Variants in CEP170B observed in about 807,000 individuals in gnomAD.
CEP170B encodes the protein centrosomal protein of 170 kDa protein B.
In CEP170B, 55 loss-of-function variants were observed where a neutral mutation model predicts 120.6. The ratio of observed to expected loss-of-function variants is 0.46; its 90% CI spans 0.37 to 0.57. The LOEUF (loss-of-function observed/expected upper bound fraction) is 0.57, where lower values mean the gene tolerates loss of function less well. CEP170B is among the 20% of genes least tolerant of loss of function. The probability of loss-of-function intolerance (pLI) is 0.00; values close to 1 mark genes in which losing one functional copy is unlikely to be tolerated. For missense variants in CEP170B, 2,212 were observed against 2,253.3 expected (o/e 0.98, Z 0.37); for synonymous variants, 1,033 against 954.5 (o/e 1.08, Z -1.52).
In CEP170B at chr14:104,884,423, G is replaced by A. The variant is rs982768113; in HGVS notation, c.1644G>A (p.Thr548=). ...CCCCGACCCCACCGCCCGCCCCCAC[G>A]GACCCCCAGCTGACCAAGGCACGGA... The part of the protein sequence containing the change: ...VGPPTPPPAP[T]DPQLTKARKQ... Residue 548 remains threonine (T), a synonymous_variant, in exon 9 of 19, where the codon ACG becomes ACA. Transcript: ENST00000414716. 56 of 1,094,204 alleles carry A rather than the reference G, an allele frequency of 5.1e-5. No individual in the cohort carries two copies. Among genetic ancestry groups the A allele is most frequent in the East Asian group, 1.4e-4 (4 of 29,560 alleles). 67.8% of individuals were successfully genotyped at this position (1,094,204 alleles called of 1,614,324 possible).
chr14:104,890,625 A>AGTGG (rs1470768472), intron 13 of CEP170B, among the ~76,000 whole-genome samples: 2 of 50,298 alleles, frequency 4.0e-5, no homozygotes, highest in Admixed American at 2.1e-4. Context: ...AGGATGGATG[A>AGTGG]GTGGGTGGGT....
chr14:104,872,207 GCGTGTGTGTA>G (rs1250074100), intron 2 of CEP170B, among the ~76,000 whole-genome samples: 6 of 145,860 alleles, frequency 4.1e-5, no homozygotes, highest in Non-Finnish European at 9.0e-5. Flanking sequence ...CCGTGGGTGT[GCGTGTGTGTA>G]CCATGGGTGT....
intron 2 of CEP170B, among the ~76,000 whole-genome samples, chr14:104,872,275 C>CCG (rs1895551538): frequency 1.3e-5 from 1 of 77,596 alleles, no homozygotes; most frequent in Non-Finnish European, 2.4e-5. Context: ...TGTGGGTGTG[C>CCG]CGTGTGTGTG....
Position 104,886,972 on chromosome 14 carries a change from C to T in CEP170B, c.2733C>T (p.His911=). ...ARMDFHSQDT[H]LILKETETAL... ...TGGACTTCCACTCCCAGGACACCCA[C>T]CTGATCTTGAAGGAGACGGAGACGG... is the stretch of plus-strand genomic sequence containing the variant. Residue 911 remains histidine, a synonymous_variant, in exon 12 of 19, where the codon CAC becomes CAT. Coordinates refer to ENST00000414716, the MANE Select transcript of CEP170B (RefSeq NM_001112726.3). The T allele has an allele frequency of 6.2e-7, 1 of 1,608,972 alleles. No individual in the cohort carries two copies. The highest frequency in any genetic ancestry group is 8.5e-7 in the Non-Finnish European group (1 of 1,179,830).
Position 104,893,574 on chromosome 14 carries a change from G to A in CEP170B, c.4090G>A (p.Gly1364Ser), listed in dbSNP as rs200282378. The A allele has an allele frequency of 1.6e-4, 263 of 1,604,674 alleles. No homozygotes were observed. The African/African-American group carries it at 2.9e-3, about 18-fold the overall frequency. The change falls in exon 15 of 19, where the codon GGC (glycine) becomes AGC (serine). Residue 1364 changes from glycine (G) to serine (S), a missense_variant. Transcript: ENST00000414716. ...CCTCAACTTCCAGAAGGTGCCGCCCGGCTCGCTGAACTCTCGGGACTTTGA... is the reference window on the plus strand; with the variant it reads ...CCTCAACTTCCAGAAGGTGCCGCCCAGCTCGCTGAACTCTCGGGACTTTGA... ...ASLNFQKVPP[G>S]SLNSRDFDQN...
At chr14:104,872,243 GTGTGTGTGCCA>G (rs1895545234) in intron 2 of CEP170B, among the ~76,000 whole-genome samples, 1 of 144,696 alleles carries the variant, frequency 6.9e-6, no homozygotes, top group African/African-American at 2.6e-5. Context: ...GCGTGTGTGC[GTGTGTGTGCCA>G]TGTGTGTGCG....
intron 5 of CEP170B, among the ~76,000 whole-genome samples, chr14:104,879,889 C>T (rs952598043): frequency 6.6e-6 from 1 of 152,166 alleles, no homozygotes; most frequent in African/African-American, 2.4e-5. Context: ...GGCCAGGGCG[C>T]TTAGCCCGTT....
chr14:104,891,979 G>A lies in CEP170B; in HGVS notation c.3879-997G>A, dbSNP rs999618754. Among the ~76,000 whole-genome samples the A allele has an allele frequency of 3.3e-5, 5 of 152,168 alleles. No homozygotes were observed. The highest frequency in any genetic ancestry group is 9.7e-5 in the African/African-American group (4 of 41,432). On this transcript the variant is annotated intron_variant, in intron 13 of 18. Coordinates refer to ENST00000414716, the MANE Select transcript of CEP170B (RefSeq NM_001112726.3). This position sits in a 1 kb window ranked among gnomAD's most constrained non-coding sequence, Gnocchi z 4.3. Reference sequence around the variant, plus strand: ...CAGAGGGTGCTGGGGGTGTTTCTCTGGTCGTGCCAGTGTCTGGCGAGGGTT... The same window carrying A: ...CAGAGGGTGCTGGGGGTGTTTCTCTAGTCGTGCCAGTGTCTGGCGAGGGTT...
intron 6 of CEP170B, among the ~76,000 whole-genome samples, chr14:104,881,867 C>G (rs1042573756): frequency 6.6e-6 from 1 of 152,026 alleles, no homozygotes; most frequent in Non-Finnish European, 1.5e-5. Flanking sequence ...GCGCAGTGTG[C>G]ACATGGTTCC....
chr14:104,890,390 GTGGATGGATGGA>G (rs1292538038), intron 13 of CEP170B, among the ~76,000 whole-genome samples: 10 of 118,160 alleles, frequency 8.5e-5, no homozygotes, highest in Admixed American at 6.7e-4. Flanking sequence ...GGATGGATGA[GTGGATGGATGGA>G]TGGATGGATG....
At chr14:104,889,395 C>A in intron 12 of CEP170B, 2 of 1,157,770 alleles carry the variant, frequency 1.7e-6, no homozygotes, top group Non-Finnish European at 2.3e-6. Context: ...GGGGCACCAG[C>A]CTCGACGCTG....
intron 8 of CEP170B, 108 bp downstream of exon 8, chr14:104,883,616 T>G (rs965097072): frequency 8.0e-7 from 1 of 1,257,528 alleles, no homozygotes; most frequent in African/African-American, 1.5e-5. Flanking sequence ...CTGGGTTGAC[T>G]TCCCATTTTT....
At chr14:104,872,374 A>T (rs1351418826) in intron 2 of CEP170B, among the ~76,000 whole-genome samples, 1 of 64,996 alleles carries the variant, frequency 1.5e-5, no homozygotes, top group Non-Finnish European at 2.9e-5. Context: ...TGTGTGTGCC[A>T]TGGGTGTGCA....
chr14:104,885,246 A>G (rs944310653), intron 9 of CEP170B, 123 bp from the exon 10 acceptor site: 2 of 1,123,606 alleles, frequency 1.8e-6, no homozygotes, highest in Non-Finnish European at 2.5e-6. Context: ...TGTCCCGGCC[A>G]CCAGCCACTC....
At chr14:104,878,730 C>CG (rs890584150) in intron 5 of CEP170B, among the ~76,000 whole-genome samples, 5 of 152,200 alleles carry the variant, frequency 3.3e-5, no homozygotes, top group African/African-American at 1.2e-4. Context: ...TGACAGGTGG[C>CG]GGGGGCACCG....
At chr14:104,893,873 T>C in intron 16 of CEP170B, 24 bp downstream of exon 16, 1 of 1,597,642 alleles carries the variant, frequency 6.3e-7, no homozygotes, top group South Asian at 1.1e-5. Flanking sequence ...CTGGCTGAGG[T>C]GGACGCCCAG....
At position 104,885,434 on chromosome 14, in the gene CEP170B, C is replaced by T; in HGVS notation, c.1836C>T (p.Ile612=). ...RASSATFRPV[I]RGDRDESDDG... ...CTTCGGCCACCTTTCGCCCAGTCATCAGAGGGGACAGAGATGAGTCTGATG... is the reference window on the plus strand; with the variant it reads ...CTTCGGCCACCTTTCGCCCAGTCATTAGAGGGGACAGAGATGAGTCTGATG... The change falls in exon 10 of 19, where the codon ATC becomes ATT. Residue 612 remains isoleucine, a synonymous_variant. Transcript: ENST00000414716. 1 of 1,564,062 alleles carries T rather than the reference C, an allele frequency of 6.4e-7. No homozygotes were observed. The highest frequency in any genetic ancestry group is 8.7e-7 in the Non-Finnish European group (1 of 1,154,944).
rs769147445 is a variant in CEP170B, at chr14:104,886,761, A to G, written c.2522A>G (p.Asn841Ser). 5.0e-6 allele frequency: 8 copies of G among 1,611,728 alleles called. No homozygotes were observed. The Admixed American group carries it at 6.7e-5, about 13-fold the overall frequency. Residue 841 changes from asparagine to serine, a missense_variant, in exon 12 of 19, where the codon AAT becomes AGT. Asn to Ser is a conservative substitution (Grantham distance 46). Transcript: ENST00000414716. ...PARDGVYVSA[N>S]GRMVIQLRPG... ...CGGGATGGCGTCTATGTCAGTGCCA[A>G]TGGGAGAATGGTCATCCAGCTACGG... is the stretch of plus-strand genomic sequence containing the variant.
At chr14:104,878,668 A>G (rs540088503) in intron 5 of CEP170B, among the ~76,000 whole-genome samples, 167 bp downstream of exon 5, 57 of 152,348 alleles carry the variant, frequency 3.7e-4, no homozygotes, top group Non-Finnish European at 7.1e-4. Flanking sequence ...GCCCTGCCAG[A>G]TGGCCCAGTC....
Sources: gnomAD v4.1 joint callset for allele counts (sites outside exome capture counted in the v4.1 genomes callset) on GRCh38, gnomAD v4.1.1 for gene constraint, Gnocchi (gnomAD v3.1) non-coding constraint, MANE v1.5 for transcripts, NCBI Gene and HGNC (gene_info 2026-07-23, HGNC 2026-07-21) for gene names.